Variants in NR3C1 observed in about 807,000 individuals in gnomAD.
The protein encoded by NR3C1 is nuclear receptor subfamily 3 group C member 1.
In NR3C1, 14 loss-of-function variants were observed where a neutral mutation model predicts 74.0. The ratio of observed to expected loss-of-function variants is 0.19; its 90% CI spans 0.12 to 0.30. The LOEUF is 0.30. Ranked by LOEUF, NR3C1 falls within the 10% of genes least tolerant of loss-of-function variation. The probability of loss-of-function intolerance (pLI) is 1.00; values close to 1 mark genes in which losing one functional copy is unlikely to be tolerated. For synonymous variants in NR3C1, 308 were observed against 332.5 expected, an observed-to-expected ratio of 0.93 and a Z score of 0.80; for missense variants, 695 against 909.8, an observed-to-expected ratio of 0.76 and a Z score of 3.04.
chr5:143,314,287 AG>A (rs1821611749), intron 2 of NR3C1, 119 bp from the exon 3 acceptor site: 1 of 992,092 alleles, frequency 1.0e-6, no homozygotes, highest in African/African-American at 1.6e-5. Flanking sequence ...TTCAAGTGCT[AG>A]CAGGCACTAA....
At chr5:143,434,327 T>G (rs1307786421) in intron 1 of NR3C1, among the ~76,000 whole-genome samples, 1 of 152,246 alleles carries the variant, frequency 6.6e-6, no homozygotes, top group Non-Finnish European at 1.5e-5. Context: ...TAAATGAAAC[T>G]GAGAAACTCA....
chr5:143,281,870 A>T lies in NR3C1; in HGVS notation c.*19T>A. ...TATTAATTCGACTTTCTTTAAGGCAACCATTCTTATTAAGGCAGTCACTTT... is the reference window on the plus strand; with the variant it reads ...TATTAATTCGACTTTCTTTAAGGCATCCATTCTTATTAAGGCAGTCACTTT... On this transcript the variant is annotated 3_prime_UTR_variant, in exon 9 of 9. Coordinates refer to ENST00000394464, the MANE Select transcript of NR3C1 (RefSeq NM_000176.3). 6.2e-7 allele frequency: 1 copy of T among 1,611,012 alleles called. No homozygotes were observed. The highest frequency in any genetic ancestry group is 8.5e-7 in the Non-Finnish European group (1 of 1,177,580).
At chr5:143,402,896 G>C in intron 1 of NR3C1, 1 of 945,288 alleles carries the variant, frequency 1.1e-6, no homozygotes, top group African/African-American at 1.8e-5. Context: ...GGAGAAAAGA[G>C]GCCAGGATTC....
chr5:143,333,413 G>C (rs1019173153), intron 2 of NR3C1, among the ~76,000 whole-genome samples: 1 of 152,182 alleles, frequency 6.6e-6, no homozygotes, highest in Non-Finnish European at 1.5e-5. Context: ...GTGAATGCCT[G>C]ATTAGGACAT....
chr5:143,373,870 G>C (rs551486565), intron 2 of NR3C1, among the ~76,000 whole-genome samples: 3 of 151,918 alleles, frequency 2.0e-5, no homozygotes, highest in South Asian at 2.1e-4. Flanking sequence ...GGTACAAAGA[G>C]GTGTTTATTA....
At chr5:143,405,036 A>T (rs1182185335), upstream of NR3C1, 6 of 800,012 alleles carry the variant, frequency 7.5e-6, no homozygotes, top group Non-Finnish European at 9.1e-6. Flanking sequence ...CCGTCCTGAG[A>T]AAGGAGAGGG....
At chr5:143,297,075 C>CAA (rs766243522) in intron 6 of NR3C1, among the ~76,000 whole-genome samples, 167 of 60,144 alleles carry the variant, frequency 2.8e-3, no homozygotes, top group Middle Eastern at 8.2e-3. Context: ...AGACTCGTCT[C>CAA]AAAAAAAAAA....
chr5:143,424,766 G>A (rs1390858903), intron 1 of NR3C1, among the ~76,000 whole-genome samples: 1 of 152,150 alleles, frequency 6.6e-6, no homozygotes, highest in East Asian at 1.9e-4. Flanking sequence ...ACATGGCATT[G>A]AGTGTTAGAA....
At chr5:143,367,806 T>C (rs1056833864) in intron 2 of NR3C1, among the ~76,000 whole-genome samples, 7 of 152,242 alleles carry the variant, frequency 4.6e-5, no homozygotes, top group African/African-American at 1.4e-4. Context: ...ATTGTTATGA[T>C]GGCAATATTC....
Position 143,331,446 on chromosome 5 carries a change from G to A in NR3C1, c.1185-17278C>T, listed in dbSNP as rs548894108. Among the ~76,000 whole-genome samples, 28 of 152,176 alleles carry A rather than the reference G, an allele frequency of 1.8e-4. No homozygotes were observed. The South Asian group carries it at 5.8e-3, about 32-fold the overall frequency. On this transcript the variant is annotated intron_variant, in intron 2 of 8. Coordinates refer to ENST00000394464, the MANE Select transcript of NR3C1 (RefSeq NM_000176.3). ...CCCATCACTGGGTATATACCCAGAG[G>A]AATATAAATGATTCTACCATAAAGA...
At chr5:143,411,786 T>C (rs1438781067) in intron 1 of NR3C1, among the ~76,000 whole-genome samples, 2 of 152,122 alleles carry the variant, frequency 1.3e-5, no homozygotes, top group Non-Finnish European at 2.9e-5. Context: ...ACTAACACAC[T>C]AATGGACATA....
intron 2 of NR3C1, among the ~76,000 whole-genome samples, chr5:143,361,805 C>T (rs1314157719): frequency 2.6e-5 from 4 of 152,114 alleles, no homozygotes; most frequent in African/African-American, 9.7e-5. Context: ...TTCATTTGTT[C>T]CAAAGTTGAA....
At chr5:143,353,343 G>C (rs1830542101) in intron 2 of NR3C1, among the ~76,000 whole-genome samples, 1 of 152,028 alleles carries the variant, frequency 6.6e-6, no homozygotes, top group Non-Finnish European at 1.5e-5. Context: ...TTGATCCTTT[G>C]ACCTCCTCCT....
chr5:143,374,990 G>C (rs1338303374), intron 2 of NR3C1, among the ~76,000 whole-genome samples: 1 of 151,876 alleles, frequency 6.6e-6, no homozygotes, highest in Non-Finnish European at 1.5e-5. Flanking sequence ...GTAAAGGGAT[G>C]CTGGCATGCA....
At chr5:143,421,791 C>A (rs1051361912) in intron 1 of NR3C1, among the ~76,000 whole-genome samples, 9 of 146,826 alleles carry the variant, frequency 6.1e-5, no homozygotes, top group African/African-American at 1.8e-4. Context: ...GACTCTATCT[C>A]AAAAAAAAAA....
At chr5:143,289,072 CAAAAAAAA>C (rs369191318) in intron 7 of NR3C1, among the ~76,000 whole-genome samples, 1 of 70,578 alleles carries the variant, frequency 1.4e-5, no homozygotes, top group East Asian at 3.9e-4. Flanking sequence ...GACTCCATCT[CAAAAAAAA>C]AAAAAAAAAA....
At chr5:143,429,746 A>G (rs1751714650) in intron 1 of NR3C1, among the ~76,000 whole-genome samples, 2 of 152,254 alleles carry the variant, frequency 1.3e-5, no homozygotes, top group African/African-American at 4.8e-5. Context: ...AAGAATGGTT[A>G]AATTAATTAT....
rs1019650280 is a variant in NR3C1, at chr5:143,333,107, A to G, written c.1185-18939T>C. On this transcript the variant is annotated intron_variant, in intron 2 of 8. Coordinates refer to ENST00000394464, the MANE Select transcript of NR3C1 (RefSeq NM_000176.3). The stretch of plus-strand genomic sequence containing the variant: ...CAGGGAAGCATTTCCAGGAGATCTC[A>G]TGGTTCTTGCGCCCTTTCCACCTCT... 3.8e-6 allele frequency: 6 copies of G among 1,593,794 alleles called. No homozygotes were observed. The East Asian group carries it at 8.9e-5, about 24-fold the overall frequency.
intron 2 of NR3C1, among the ~76,000 whole-genome samples, chr5:143,339,247 A>T (rs949417588): frequency 2.0e-5 from 3 of 152,226 alleles, no homozygotes; most frequent in Non-Finnish European, 4.4e-5. Context: ...CAGTAAAAAA[A>T]AATGTAACTC....
Sources: allele counts gnomAD v4.1 joint callset (sites outside exome capture counted in the v4.1 genomes callset), GRCh38; gene constraint gnomAD v4.1.1; transcripts MANE v1.5; gene names NCBI Gene and HGNC (gene_info 2026-07-23, HGNC 2026-07-21).